The following DGKB variants were observed in gnomAD, a reference collection of about 807,000 sequenced individuals.
DGKB encodes the protein 90 kDa diacylglycerol kinase.
Under a neutral mutation model 114.3 loss-of-function variants are expected in DGKB, and 67 were observed. The observed-to-expected ratio is 0.59, with a 90% CI of 0.48 to 0.72. The LOEUF (loss-of-function observed/expected upper bound fraction) is 0.72. Ranked by LOEUF, DGKB falls within the 30% of genes least tolerant of loss-of-function variation. DGKB has a pLI of 0.00. For synonymous variants in DGKB, 398 were observed against 323.1 expected (o/e 1.23, Z -2.49); for missense variants, 907 against 975.2 (o/e 0.93, Z 0.93).
At chr7:14,405,212 TA>T (rs1275290599) in intron 21 of DGKB, among the ~76,000 whole-genome samples, 1 of 152,026 alleles carries the variant, frequency 6.6e-6, no homozygotes, top group Non-Finnish European at 1.5e-5. Context: ...GAATGGGTAA[TA>T]TTCTTCTACA....
intron 21 of DGKB, among the ~76,000 whole-genome samples, chr7:14,359,242 C>T (rs558409190): frequency 4.6e-4 from 70 of 152,128 alleles, no homozygotes; most frequent in African/African-American, 1.6e-3. Context: ...TAATAAACGG[C>T]GCTGGGAAAA....
chr7:14,172,562 G>C (rs932369817), intron 25 of DGKB, among the ~76,000 whole-genome samples: 1 of 152,100 alleles, frequency 6.6e-6, no homozygotes, highest in Non-Finnish European at 1.5e-5. Context: ...GAAACACCAG[G>C]TGTTTCAATG....
intron 17 of DGKB, among the ~76,000 whole-genome samples, chr7:14,606,690 A>T (rs923269042): frequency 6.6e-6 from 1 of 152,044 alleles, no homozygotes; most frequent in Non-Finnish European, 1.5e-5. Flanking sequence ...CAGAAAGAAA[A>T]GAGGTCAATG....
intron 23 of DGKB, among the ~76,000 whole-genome samples, chr7:14,183,280 A>G (rs1782910235): frequency 6.6e-6 from 1 of 152,186 alleles, no homozygotes; most frequent in Non-Finnish European, 1.5e-5. Flanking sequence ...ATGTCCATCT[A>G]CTTCTAATTG....
At chr7:14,675,113 C>A (rs1313146480) in intron 12 of DGKB, among the ~76,000 whole-genome samples, 1 of 152,024 alleles carries the variant, frequency 6.6e-6, no homozygotes, top group Non-Finnish European at 1.5e-5. Context: ...GCTAAGAACC[C>A]TCTACAAAAA....
rs1245943867 is a variant in DGKB, at chr7:14,757,739, A to G, written c.71-8T>C. 1 of 1,545,726 alleles carries G rather than the reference A, an allele frequency of 6.5e-7. No individual in the cohort carries two copies. Among genetic ancestry groups the G allele is most frequent in the Admixed American group, 1.7e-5 (1 of 58,748 alleles). On this transcript the variant is annotated splice_polypyrimidine_tract_variant and splice_region_variant and intron_variant, in intron 2 of 25. Transcript: ENST00000402815. ...TTAATTTCTTTGTAGAATCTATAAA[A>G]AACAGAAAACACAAAAATTGTTTAT...
chr7:14,769,115 A>AAGAG (rs1182403017), intron 2 of DGKB, among the ~76,000 whole-genome samples: 1 of 124,968 alleles, frequency 8.0e-6, no homozygotes, highest in East Asian at 2.6e-4. Flanking sequence ...GAAAGAAAGA[A>AAGAG]AGAAAGAAAG....
chr7:14,949,060 T>C (rs552942614), intron 1 of DGKB, among the ~76,000 whole-genome samples: 1 of 151,952 alleles, frequency 6.6e-6, no homozygotes, highest in African/African-American at 2.4e-5. Context: ...CTGCAACTCA[T>C]ATGAGCAACA....
intron 13 of DGKB, among the ~76,000 whole-genome samples, chr7:14,649,711 A>T (rs1813995840): frequency 1.4e-5 from 2 of 141,372 alleles, no homozygotes; most frequent in African/African-American, 5.5e-5. Flanking sequence ...AAATTGGATA[A>T]AGAGTCAAGA....
chr7:14,400,857 T>C (rs570671302), intron 21 of DGKB, among the ~76,000 whole-genome samples: 1 of 151,954 alleles, frequency 6.6e-6, no homozygotes, highest in African/African-American at 2.4e-5. Flanking sequence ...CTCTTAGATA[T>C]ACCCTTGAAA....
At chr7:14,824,611 A>C (rs1845405696) in intron 2 of DGKB, among the ~76,000 whole-genome samples, 1 of 152,154 alleles carries the variant, frequency 6.6e-6, no homozygotes. Flanking sequence ...GCCTAGACTT[A>C]AAGAAATATT....
At chr7:14,469,126 T>C (rs756758647) in intron 21 of DGKB, among the ~76,000 whole-genome samples, 1 of 152,076 alleles carries the variant, frequency 6.6e-6, no homozygotes, top group South Asian at 2.1e-4. Flanking sequence ...CCAGGAAATA[T>C]CTTCCCTCTG....
intron 1 of DGKB, among the ~76,000 whole-genome samples, chr7:14,951,780 C>G (rs1786212622): frequency 6.6e-6 from 1 of 151,740 alleles, no homozygotes; most frequent in Non-Finnish European, 1.5e-5. Context: ...ATATAGAACT[C>G]TATTTTCTAC....
intron 20 of DGKB, among the ~76,000 whole-genome samples, chr7:14,568,753 T>C (rs1379812944): frequency 6.6e-6 from 1 of 152,204 alleles, no homozygotes; most frequent in African/African-American, 2.4e-5. Flanking sequence ...TAGCTACATA[T>C]TTCTGACCTC....
intron 1 of DGKB, among the ~76,000 whole-genome samples, chr7:14,895,979 T>C (rs1782040492): frequency 6.6e-6 from 1 of 151,778 alleles, no homozygotes; most frequent in South Asian, 2.1e-4. Context: ...AAACTCATCT[T>C]TTCTGCGTGA....
At chr7:14,457,277 T>A (rs1832416751) in intron 21 of DGKB, among the ~76,000 whole-genome samples, 1 of 152,176 alleles carries the variant, frequency 6.6e-6, no homozygotes, top group Admixed American at 6.5e-5. Context: ...AATGGACACC[T>A]GCCATTAATT....
intron 13 of DGKB, among the ~76,000 whole-genome samples, chr7:14,633,754 GACT>G (rs1270456641): frequency 6.6e-6 from 1 of 151,624 alleles, no homozygotes; most frequent in Non-Finnish European, 1.5e-5. Flanking sequence ...TGTGAGGTGT[GACT>G]ACAGAGGAAT....
chr7:14,530,913 G>T lies in DGKB; in HGVS notation c.1770+43299C>A, dbSNP rs555455091. On this transcript the variant is annotated intron_variant, in intron 20 of 25. Transcript: ENST00000402815. ...CTATTTTCTTTACAAAATAACTTCAGAATATATACAATGTAATCAAATAAC... is the reference window on the plus strand; with the variant it reads ...CTATTTTCTTTACAAAATAACTTCATAATATATACAATGTAATCAAATAAC... Among the ~76,000 whole-genome samples the T allele has an allele frequency of 4.9e-4, 74 of 151,398 alleles. No individual in the cohort carries two copies. The South Asian group carries it at 0.011, about 23-fold the overall frequency.
intron 1 of DGKB, among the ~76,000 whole-genome samples, chr7:14,909,621 G>A (rs1254099755): frequency 6.6e-6 from 1 of 152,120 alleles, no homozygotes; most frequent in East Asian, 1.9e-4. Context: ...TTTATCACAT[G>A]TCAGATTGCA....
Sources: allele counts gnomAD v4.1 joint callset (sites outside exome capture counted in the v4.1 genomes callset), GRCh38; gene constraint gnomAD v4.1.1; transcripts MANE v1.5; gene names NCBI Gene and HGNC (gene_info 2026-07-23, HGNC 2026-07-21).